The following AGPAT3 variants were observed in gnomAD, a reference collection of about 807,000 sequenced individuals.
AGPAT3 encodes the protein 1-acyl-sn-glycerol-3-phosphate acyltransferase gamma.
Under a neutral mutation model 47.3 loss-of-function variants are expected in AGPAT3, and 5 were observed. The ratio of observed to expected loss-of-function variants is 0.11; its 90% CI spans 0.06 to 0.22. The LOEUF (loss-of-function observed/expected upper bound fraction) is 0.22. AGPAT3 is among the 10% of genes least tolerant of loss of function. AGPAT3 has a pLI of 1.00. For synonymous variants in AGPAT3, 212 were observed against 208.3 expected, an observed-to-expected ratio of 1.02 and a Z score of -0.15; for missense variants, 315 against 493.0, an observed-to-expected ratio of 0.64 and a Z score of 3.42.
chr21:43,974,222 C>T (rs1323347371), intron 7 of AGPAT3, among the ~76,000 whole-genome samples: 1 of 84,084 alleles, frequency 1.2e-5, no homozygotes, highest in African/African-American at 4.0e-5. Context: ...TATAAATTAT[C>T]TATGTGTGTA....
rs906562761 is a variant in AGPAT3 at position 43,934,338 on chromosome 21, T to TTCA, written c.-48-25295_-48-25293dup. 2.6e-5 allele frequency among the ~76,000 whole-genome samples: 4 copies of TTCA among 152,220 alleles called. No individual in the cohort carries two copies. Among genetic ancestry groups the TTCA allele is most frequent in the Non-Finnish European group, 4.4e-5 (3 of 68,040 alleles). On this transcript the variant is annotated intron_variant, in intron 2 of 9. Coordinates refer to ENST00000291572, the MANE Select transcript of AGPAT3 (RefSeq NM_020132.5). This position sits in a 1 kb window ranked among gnomAD's most constrained non-coding sequence, Gnocchi z 4.7. ...GAGGGGCCTCCAGGCCTCGTCTTCC[T>TTCA]TCACTGTGCCCATGCTCAGAGATGG... is the stretch of plus-strand genomic sequence containing the variant.
chr21:43,894,217 C>CT (rs11370715), intron 1 of AGPAT3, among the ~76,000 whole-genome samples: 44,486 of 140,150 alleles, frequency 0.32, 7,372 homozygotes, highest in South Asian at 0.4. Flanking sequence ...TTCTTTCTTT[C>CT]TTTTTTTTTT....
chr21:43,901,605 T>G (rs2086359814), intron 1 of AGPAT3, among the ~76,000 whole-genome samples: 1 of 152,230 alleles, frequency 6.6e-6, no homozygotes, highest in East Asian at 1.9e-4. Context: ...CAACCCCATC[T>G]GTACAGAAAA....
At chr21:43,886,314 C>T (rs774196527) in intron 1 of AGPAT3, among the ~76,000 whole-genome samples, 4 of 152,126 alleles carry the variant, frequency 2.6e-5, no homozygotes, top group Middle Eastern at 3.4e-3. Flanking sequence ...AGTGCAGTGG[C>T]GTGGTCTCGG....
intron 1 of AGPAT3, among the ~76,000 whole-genome samples, chr21:43,877,905 A>C (rs2085768952): frequency 2.7e-5 from 4 of 146,766 alleles, no homozygotes; most frequent in Non-Finnish European, 3.0e-5. Flanking sequence ...TCCATCTCCC[A>C]CACCCCCTTC....
At chr21:43,968,972 C>T in intron 4 of AGPAT3, 146 bp from the exon 5 acceptor site, 1 of 793,938 alleles carries the variant, frequency 1.3e-6, no homozygotes, top group Non-Finnish European at 1.9e-6. Flanking sequence ...AAGCCGGGTC[C>T]TGCTTCACAG....
At chr21:43,980,944 T>A (rs199880750) in intron 8 of AGPAT3, 45 bp from the exon 9 acceptor site, 131 of 1,555,734 alleles carry the variant, frequency 8.4e-5, no homozygotes, top group Non-Finnish European at 1.5e-5. Context: ...AATAATAGCT[T>A]GTAAAGAAGC....
chr21:43,938,943 C>G (rs1298430660), intron 2 of AGPAT3, among the ~76,000 whole-genome samples: 1 of 152,302 alleles, frequency 6.6e-6, no homozygotes, highest in Non-Finnish European at 1.5e-5. Flanking sequence ...CCATCACGCT[C>G]TCTCCTCCAC....
At chr21:43,910,763 G>A (rs1157896038) in intron 2 of AGPAT3, among the ~76,000 whole-genome samples, 2 of 152,194 alleles carry the variant, frequency 1.3e-5, no homozygotes, top group African/African-American at 2.4e-5. Context: ...GCTGTGTCTC[G>A]TGAAGTCAGG....
rs1308601596 is a variant in AGPAT3, at chr21:43,970,585, G to T, written c.511-68G>T. On this transcript the variant is annotated intron_variant, in intron 5 of 9. Coordinates refer to ENST00000291572, the MANE Select transcript of AGPAT3 (RefSeq NM_020132.5). This position sits in a 1 kb window ranked among gnomAD's most constrained non-coding sequence, Gnocchi z 5.8. The stretch of plus-strand genomic sequence containing the variant: ...ACCTTTGCTGCCTGTCAGAGAGGCA[G>T]GCCTGGCCTGGACATGCACCCACCC... 1.3e-6 allele frequency: 2 copies of T among 1,548,254 alleles called. No homozygotes were observed. The highest frequency in any genetic ancestry group is 4.7e-5 in the East Asian group (2 of 42,880).
At chr21:43,900,569 T>C (rs908480175) in intron 1 of AGPAT3, among the ~76,000 whole-genome samples, 8 of 152,026 alleles carry the variant, frequency 5.3e-5, no homozygotes, top group Non-Finnish European at 1.2e-4. Flanking sequence ...AAGAAAAATA[T>C]GGAAGAAGAG....
In AGPAT3 at chr21:43,958,976, CAT is replaced by C. The variant is rs1432110138; in HGVS notation, c.-48-657_-48-656del. Among the ~76,000 whole-genome samples the C allele has an allele frequency of 3.0e-5, 3 of 99,614 alleles. No homozygotes were observed. In the Admixed American group the frequency reaches 3.4e-4, roughly 11 times the overall value. 65.4% of individuals were successfully genotyped at this position (99,614 alleles called of 152,430 possible). ...GTATGTGGTTTTGCGGTGTGTGTGGCATGTGTGTGGTTTGCGGTGTGTGTGTA... is the reference window on the plus strand; with the variant it reads ...GTATGTGGTTTTGCGGTGTGTGTGGCGTGTGTGGTTTGCGGTGTGTGTGTA... On this transcript the variant is annotated intron_variant, in intron 2 of 9. Coordinates refer to ENST00000291572, the MANE Select transcript of AGPAT3 (RefSeq NM_020132.5).
At chr21:43,977,778 T>C (rs1390597807) in intron 7 of AGPAT3, among the ~76,000 whole-genome samples, 1 of 151,332 alleles carries the variant, frequency 6.6e-6, no homozygotes, top group African/African-American at 2.4e-5. Flanking sequence ...TCCCAGCTGC[T>C]GGGGAGGCTG....
intron 4 of AGPAT3, 39 bp downstream of exon 4, chr21:43,968,154 G>A (rs770006653): frequency 1.2e-6 from 2 of 1,606,402 alleles, no homozygotes; most frequent in Admixed American, 3.3e-5. Flanking sequence ...GTGAGCAGGA[G>A]GGTCCCGGGG....
chr21:43,953,819 A>G (rs905405782), intron 2 of AGPAT3, among the ~76,000 whole-genome samples: 2 of 152,210 alleles, frequency 1.3e-5, no homozygotes, highest in African/African-American at 4.8e-5. Context: ...CACCCCTTGC[A>G]TATTTAAACT....
intron 2 of AGPAT3, among the ~76,000 whole-genome samples, chr21:43,951,224 A>G (rs1218142784): frequency 6.6e-6 from 1 of 152,162 alleles, no homozygotes; most frequent in Non-Finnish European, 1.5e-5. Context: ...GGGACAGAGA[A>G]GAGGAAGGGG....
At chr21:43,873,056 CAG>C (rs1411036015) in intron 1 of AGPAT3, among the ~76,000 whole-genome samples, 1 of 152,196 alleles carries the variant, frequency 6.6e-6, no homozygotes, top group Non-Finnish European at 1.5e-5. Flanking sequence ...TGGGGGCAGA[CAG>C]AGCACTGGTG....
chr21:43,886,002 T>C (rs2085967933), intron 1 of AGPAT3, among the ~76,000 whole-genome samples: 1 of 152,194 alleles, frequency 6.6e-6, no homozygotes, highest in Admixed American at 6.5e-5. Context: ...GGCAGGGGTT[T>C]TTGCAAAGCC....
At chr21:43,904,770 C>T (rs2086448621) in intron 2 of AGPAT3, among the ~76,000 whole-genome samples, 1 of 152,202 alleles carries the variant, frequency 6.6e-6, no homozygotes, top group African/African-American at 2.4e-5. Flanking sequence ...CTGCAGGTCC[C>T]TTCTGGGTGG....
Sources: allele counts gnomAD v4.1 joint callset (sites outside exome capture counted in the v4.1 genomes callset), GRCh38; gene constraint gnomAD v4.1.1; non-coding constraint Gnocchi (gnomAD v3.1); transcripts MANE v1.5; gene names NCBI Gene and HGNC (gene_info 2026-07-23, HGNC 2026-07-21).